FAF1: variants seen among roughly 807,000 people sequenced by gnomAD.
FAF1 encodes Fas associated factor 1.
Under a neutral mutation model 92.5 loss-of-function variants are expected in FAF1, and 25 were observed. The observed-to-expected ratio is 0.27, with a 90% CI of 0.20 to 0.38. FAF1 has a LOEUF of 0.38. FAF1 is among the 10% of genes least tolerant of loss of function. The pLI, the probability that FAF1 is intolerant of heterozygous loss-of-function variation, is 1.00. For synonymous variants in FAF1, 234 were observed against 273.2 expected (o/e 0.86, Z 1.42); for missense variants, 636 against 793.3 (o/e 0.80, Z 2.38).
At chr1:50,732,015 G>T (rs1400285169) in intron 6 of FAF1, among the ~76,000 whole-genome samples, 3 of 151,874 alleles carry the variant, frequency 2.0e-5, no homozygotes, top group South Asian at 4.1e-4. Flanking sequence ...GCTTTACGGG[G>T]TTATTAAAAT....
chr1:50,584,866 A>G, intron 9 of FAF1, 55 bp from the exon 10 acceptor site: 1 of 1,514,970 alleles, frequency 6.6e-7, no homozygotes, highest in Non-Finnish European at 9.1e-7. Context: ...ATCAAATTCT[A>G]AGAATAAGTT....
chr1:50,644,626 G>A (rs1654498290), intron 8 of FAF1, among the ~76,000 whole-genome samples: 1 of 152,174 alleles, frequency 6.6e-6, no homozygotes, highest in East Asian at 1.9e-4. Flanking sequence ...TCCCTTTCCT[G>A]CTATGGGATC....
intron 13 of FAF1, among the ~76,000 whole-genome samples, chr1:50,558,912 G>A (rs1323619968): frequency 1.3e-5 from 2 of 152,122 alleles, no homozygotes; most frequent in South Asian, 2.1e-4. Flanking sequence ...AAAAAGGCTC[G>A]TAAATTGGTA....
At chr1:50,949,851 T>C (rs1570177191) in intron 1 of FAF1, among the ~76,000 whole-genome samples, 1 of 152,154 alleles carries the variant, frequency 6.6e-6, no homozygotes, top group African/African-American at 2.4e-5. Flanking sequence ...CATATAGCTC[T>C]ACACAGATTA....
At chr1:50,923,220 A>G (rs1313368856) in intron 1 of FAF1, among the ~76,000 whole-genome samples, 1 of 152,112 alleles carries the variant, frequency 6.6e-6, no homozygotes, top group African/African-American at 2.4e-5. Context: ...GGAGTTCATG[A>G]CCGGCCTGGG....
At chr1:50,605,926 G>A (rs1048222280) in intron 8 of FAF1, among the ~76,000 whole-genome samples, 3 of 152,094 alleles carry the variant, frequency 2.0e-5, no homozygotes, top group Non-Finnish European at 4.4e-5. Flanking sequence ...CAAATAACCT[G>A]GCCTTGGAGC....
chr1:50,858,208 A>C lies in FAF1; in HGVS notation c.46-211T>G, dbSNP rs188507930. On this transcript the variant is annotated intron_variant, in intron 1 of 18. Transcript: ENST00000396153. ...AGTAAATTTACATTGCTCTGAAAAA[A>C]AGACAATAAAGCAGGAAAAGAAAGT... Among the ~76,000 whole-genome samples, 16 of 152,018 alleles carry C rather than the reference A, an allele frequency of 1.1e-4. No homozygotes were observed. In the East Asian group the frequency reaches 3.1e-3, roughly 29 times the overall value.
intron 9 of FAF1, among the ~76,000 whole-genome samples, chr1:50,593,729 T>C (rs1447214889): frequency 6.6e-6 from 1 of 152,184 alleles, no homozygotes; most frequent in East Asian, 1.9e-4. Flanking sequence ...TGTGGTTTTC[T>C]AAAAAATGTT....
At chr1:50,746,032 G>T (rs922367188) in intron 4 of FAF1, among the ~76,000 whole-genome samples, 4 of 151,906 alleles carry the variant, frequency 2.6e-5, no homozygotes, top group East Asian at 3.9e-4. Context: ...GAACTTATTG[G>T]GAACTGGAGC....
Position 50,771,773 on chromosome 1 carries a change from C to T in FAF1, c.367+16227G>A, listed in dbSNP as rs547599670. ...AAAATCAGCTGGGCGTGGTGGTGGGCGCCTGTAATCCCAGCTACTCAAGAG... is the reference window on the plus strand; with the variant it reads ...AAAATCAGCTGGGCGTGGTGGTGGGTGCCTGTAATCCCAGCTACTCAAGAG... On this transcript the variant is annotated intron_variant, in intron 4 of 18. Transcript: ENST00000396153. 2.3e-3 allele frequency among the ~76,000 whole-genome samples: 356 copies of T among 152,130 alleles called. 1 individual carries two copies. Among genetic ancestry groups the T allele is most frequent in the African/African-American group, 8.3e-3 (345 of 41,526 alleles).
intron 8 of FAF1, among the ~76,000 whole-genome samples, chr1:50,599,811 T>C (rs991322941): frequency 2.0e-5 from 3 of 152,220 alleles, no homozygotes; most frequent in Non-Finnish European, 2.9e-5. Context: ...CTGTGGTTAT[T>C]TGGATTTGGT....
chr1:50,492,745 T>C (rs1050119821), intron 15 of FAF1, among the ~76,000 whole-genome samples: 1 of 152,190 alleles, frequency 6.6e-6, no homozygotes, highest in African/African-American at 2.4e-5. Context: ...CCCCAATATA[T>C]GCTTACTCAA....
chr1:50,617,994 T>C (rs1449683652), intron 8 of FAF1, among the ~76,000 whole-genome samples: 1 of 152,152 alleles, frequency 6.6e-6, no homozygotes, highest in Non-Finnish European at 1.5e-5. Context: ...GTGGAATCAG[T>C]TGTAATGTCA....
At chr1:50,821,798 T>C (rs917923697) in intron 2 of FAF1, among the ~76,000 whole-genome samples, 1 of 152,212 alleles carries the variant, frequency 6.6e-6, no homozygotes, top group Non-Finnish European at 1.5e-5. Flanking sequence ...GTCATATTGA[T>C]ACCCTTTTTT....
chr1:50,550,452 T>C (rs1356042432), intron 13 of FAF1, among the ~76,000 whole-genome samples: 4 of 151,904 alleles, frequency 2.6e-5, no homozygotes, highest in Middle Eastern at 3.5e-3. Flanking sequence ...AAACAGAATA[T>C]TGGCATCTTA....
intron 15 of FAF1, among the ~76,000 whole-genome samples, chr1:50,503,253 T>C (rs1226989174): frequency 6.6e-6 from 1 of 152,178 alleles, no homozygotes; most frequent in African/African-American, 2.4e-5. Context: ...ATACAGTAAA[T>C]GCCACTGAAT....
chr1:50,588,053 G>C (rs149562794), intron 9 of FAF1, among the ~76,000 whole-genome samples: 1 of 152,108 alleles, frequency 6.6e-6, no homozygotes, highest in African/African-American at 2.4e-5. Context: ...TTCAGAGGCC[G>C]AGGCAGGCGG....
intron 13 of FAF1, among the ~76,000 whole-genome samples, chr1:50,558,254 A>G (rs1649691021): frequency 7.0e-6 from 1 of 141,984 alleles, no homozygotes; most frequent in South Asian, 2.1e-4. Context: ...TAAGATATTT[A>G]TCTTATTTTT....
chr1:50,581,541 T>C (rs574757032), intron 12 of FAF1, among the ~76,000 whole-genome samples: 1 of 152,288 alleles, frequency 6.6e-6, no homozygotes, highest in South Asian at 2.1e-4. Context: ...TAAAGGATAG[T>C]CCCTGCCAAA....
Sources: allele counts gnomAD v4.1 joint callset (sites outside exome capture counted in the v4.1 genomes callset), GRCh38; gene constraint gnomAD v4.1.1; transcripts MANE v1.5; gene names NCBI Gene and HGNC (gene_info 2026-07-23, HGNC 2026-07-21).